The following STK4 variants were observed in gnomAD, a reference collection of about 807,000 sequenced individuals.
STK4 encodes serine/threonine-protein kinase 4.
A neutral mutation model predicts 64.9 loss-of-function variants in STK4; 30 were observed. That is an observed-to-expected ratio of 0.46 (90% confidence interval 0.35 to 0.63). The LOEUF (loss-of-function observed/expected upper bound fraction) is 0.63, where lower values mean the gene tolerates loss of function less well. Ranked by LOEUF, STK4 falls within the 20% of genes least tolerant of loss-of-function variation. STK4 has a pLI of 0.01. For missense variants in STK4, 466 were observed against 598.5 expected (o/e 0.78, Z 2.31); for synonymous variants, 177 against 199.0 (o/e 0.89, Z 0.93).
At chr20:45,013,781 C>T (rs1333030527) in intron 9 of STK4, among the ~76,000 whole-genome samples, 6 of 151,896 alleles carry the variant, frequency 4.0e-5, no homozygotes, top group East Asian at 1.9e-4. Flanking sequence ...CTATCTTTAC[C>T]AATTTTTGAT....
At chr20:45,070,646 G>A (rs1270525387) in intron 10 of STK4, among the ~76,000 whole-genome samples, 1 of 152,116 alleles carries the variant, frequency 6.6e-6, no homozygotes. Context: ...AGCACTTTGG[G>A]AGGCCAAGGT....
At chr20:45,068,749 A>G (rs1223292484) in intron 10 of STK4, among the ~76,000 whole-genome samples, 1 of 152,244 alleles carries the variant, frequency 6.6e-6, no homozygotes, top group Non-Finnish European at 1.5e-5. Context: ...CATCTCTAAA[A>G]GGAGGATAAT....
intron 1 of STK4, among the ~76,000 whole-genome samples, chr20:44,971,328 T>C (rs1007694680): frequency 1.3e-5 from 2 of 152,196 alleles, no homozygotes; most frequent in African/African-American, 4.8e-5. Context: ...CATAGGAAGG[T>C]CTTTGTGAGA....
At chr20:44,986,758 T>C (rs1406951539) in intron 4 of STK4, among the ~76,000 whole-genome samples, 2 of 152,182 alleles carry the variant, frequency 1.3e-5, no homozygotes, top group African/African-American at 4.8e-5. Flanking sequence ...TTCAAGGTTT[T>C]TGACCAGAGC....
chr20:45,044,277 C>A (rs1029041275), intron 10 of STK4, among the ~76,000 whole-genome samples: 1 of 152,182 alleles, frequency 6.6e-6, no homozygotes, highest in Non-Finnish European at 1.5e-5. Flanking sequence ...TGCACAATCT[C>A]CTGTGTGGCA....
intron 9 of STK4, among the ~76,000 whole-genome samples, chr20:45,019,836 A>G (rs1568727292): frequency 6.6e-6 from 1 of 152,368 alleles, no homozygotes; most frequent in East Asian, 1.9e-4. Context: ...GGGGGACAGC[A>G]TGGCCTTTAA....
intron 9 of STK4, among the ~76,000 whole-genome samples, chr20:45,021,199 A>C (rs2068241647): frequency 6.6e-6 from 1 of 152,204 alleles, no homozygotes; most frequent in Non-Finnish European, 1.5e-5. Context: ...AGCCAGGCCC[A>C]GAGTCATTGT....
chr20:45,027,104 C>G (rs1191772739), intron 10 of STK4, among the ~76,000 whole-genome samples: 4 of 152,132 alleles, frequency 2.6e-5, no homozygotes, highest in Non-Finnish European at 4.4e-5. Flanking sequence ...TACTTCTAAG[C>G]TTAGTTTCCT....
intron 1 of STK4, among the ~76,000 whole-genome samples, chr20:44,971,873 A>G (rs973191431): frequency 1.3e-5 from 2 of 151,852 alleles, no homozygotes; most frequent in Non-Finnish European, 2.9e-5. Context: ...GGGTTTCACC[A>G]TGTTAGCCAG....
At chr20:45,039,600 C>T (rs1375173513) in intron 10 of STK4, among the ~76,000 whole-genome samples, 2 of 152,100 alleles carry the variant, frequency 1.3e-5, no homozygotes, top group African/African-American at 4.8e-5. Context: ...GAAAAAGCAG[C>T]TGGTTGAGCT....
chr20:44,993,323 A>G (rs758858442), intron 5 of STK4, among the ~76,000 whole-genome samples: 27 of 152,242 alleles, frequency 1.8e-4, no homozygotes, highest in Non-Finnish European at 2.8e-4. Context: ...TTGCTATGCT[A>G]TTGTACTAAT....
At chr20:45,049,234 C>G (rs2068742136) in intron 10 of STK4, among the ~76,000 whole-genome samples, 1 of 152,164 alleles carries the variant, frequency 6.6e-6, no homozygotes, top group Non-Finnish European at 1.5e-5. Context: ...ACCCACTAGT[C>G]ACTTCCATTT....
intron 9 of STK4, chr20:45,007,816 T>G (rs529232102): frequency 1.4e-5 from 6 of 422,438 alleles, no homozygotes; most frequent in Admixed American, 1.4e-4. Flanking sequence ...GCAGGTTTGA[T>G]GCATAAATAT....
intron 10 of STK4, among the ~76,000 whole-genome samples, chr20:45,029,187 A>G (rs550783420): frequency 2.0e-5 from 3 of 152,212 alleles, no homozygotes; most frequent in Admixed American, 2.0e-4. Flanking sequence ...GTAGACCTAC[A>G]TTATTGGTTA....
chr20:45,066,161 G>T (rs1370482506), intron 10 of STK4, among the ~76,000 whole-genome samples: 1 of 144,482 alleles, frequency 6.9e-6, no homozygotes, highest in Non-Finnish European at 1.5e-5. Context: ...ATATACATAT[G>T]TATATACACA....
intron 6 of STK4, 129 bp downstream of exon 6, chr20:44,995,386 A>T (rs2145684031): frequency 8.8e-7 from 1 of 1,136,118 alleles, no homozygotes; most frequent in East Asian, 2.9e-5. Context: ...TGGATGGATC[A>T]CCAGAGGTCA....
At chr20:45,067,604 T>C (rs1979689771) in intron 10 of STK4, among the ~76,000 whole-genome samples, 1 of 152,194 alleles carries the variant, frequency 6.6e-6, no homozygotes, top group Non-Finnish European at 1.5e-5. Context: ...CTCATGTGTT[T>C]AGTGTAGCTT....
intron 10 of STK4, among the ~76,000 whole-genome samples, chr20:45,037,283 G>A (rs948355889): frequency 6.6e-6 from 1 of 152,128 alleles, no homozygotes; most frequent in Non-Finnish European, 1.5e-5. Flanking sequence ...AATTGAGCTG[G>A]AGCATTACCA....
chr20:45,040,980 A>G (rs571688540), intron 10 of STK4, among the ~76,000 whole-genome samples: 68 of 152,270 alleles, frequency 4.5e-4, no homozygotes, highest in African/African-American at 1.6e-3. Flanking sequence ...TGACAACAAT[A>G]CTGAAAACAG....
Sources: gnomAD v4.1 joint callset for allele counts (sites outside exome capture counted in the v4.1 genomes callset) on GRCh38, gnomAD v4.1.1 for gene constraint, MANE v1.5 for transcripts, NCBI Gene and HGNC (gene_info 2026-07-23, HGNC 2026-07-21) for gene names.